TM9SF4: variants seen among roughly 807,000 people sequenced by gnomAD.
TM9SF4 encodes dinucleotide oxidase disulfide thiol exchanger 3 superfamily member 4.
In TM9SF4, 26 loss-of-function variants were observed where a neutral mutation model predicts 90.4. The observed-to-expected ratio is 0.29, with a 90% CI of 0.21 to 0.40. The LOEUF is 0.40. Among genes scored for constraint, TM9SF4 ranks in the 10% least tolerant of loss-of-function variants. The pLI is 1.00. For missense variants in TM9SF4, 549 were observed against 834.8 expected (o/e 0.66, Z 4.22); for synonymous variants, 293 against 315.4 (o/e 0.93, Z 0.75).
intron 1 of TM9SF4, among the ~76,000 whole-genome samples, chr20:32,121,871 G>T (rs1253081470): frequency 1.1e-4 from 15 of 140,674 alleles, no homozygotes; most frequent in East Asian, 7.0e-4. Context: ...GCGGCTGGCC[G>T]GGCGGGGGGC....
At chr20:32,140,355 C>T (rs773198328) in intron 3 of TM9SF4, among the ~76,000 whole-genome samples, 5 of 152,286 alleles carry the variant, frequency 3.3e-5, no homozygotes, top group South Asian at 4.1e-4. Context: ...AGTCAAAAGA[C>T]GTTTTGCCTG....
intron 1 of TM9SF4, among the ~76,000 whole-genome samples, chr20:32,127,706 CAG>C (rs1170614054): frequency 6.6e-6 from 1 of 152,184 alleles, no homozygotes; most frequent in Non-Finnish European, 1.5e-5. Context: ...TGAAGTCTTT[CAG>C]GATTTGCTTT....
rs779963293 is a variant in TM9SF4 at position 32,155,114 on chromosome 20, G to C, written c.1257G>C (p.Leu419=). 15 of 1,613,984 alleles carry C rather than the reference G, an allele frequency of 9.3e-6. No homozygotes were observed. The East Asian group carries it at 3.3e-4, about 36-fold the overall frequency. The part of the protein sequence containing the change: ...WKKGAFCTAT[L]YPGVVFGICF... ...CCCTCTTGCTCCAGACGGCAACTCT[G>C]TACCCTGGTGTGGTTTTTGGCATCT... is the stretch of plus-strand genomic sequence containing the variant. The change falls in exon 13 of 18, where the codon CTG becomes CTC. Residue 419 remains leucine (L), a synonymous_variant. Transcript: ENST00000398022.
At chr20:32,145,544 C>T (rs532171470) in intron 8 of TM9SF4, 121 bp downstream of exon 8, 3 of 779,560 alleles carry the variant, frequency 3.8e-6, no homozygotes, top group African/African-American at 3.4e-5. Context: ...CAAAAACAGA[C>T]ATCAGGGCTC....
In TM9SF4 at chr20:32,109,769, A is replaced by C. The variant is rs755429903; in HGVS notation, c.15+14A>C. ...GCGACGGCGATGGTGAGTGAAGGAGACTCCGGGAGCGGGAGCTGGAGCGGG... is the reference window on the plus strand; with the variant it reads ...GCGACGGCGATGGTGAGTGAAGGAGCCTCCGGGAGCGGGAGCTGGAGCGGG... On this transcript the variant is annotated intron_variant, in intron 1 of 17. Transcript: ENST00000398022. 2.7e-5 allele frequency: 42 copies of C among 1,551,092 alleles called. No individual in the cohort carries two copies. The African/African-American group carries it at 5.6e-4, about 21-fold the overall frequency.
At chr20:32,133,992 TA>T (rs963518558) in intron 2 of TM9SF4, among the ~76,000 whole-genome samples, 6 of 151,194 alleles carry the variant, frequency 4.0e-5, no homozygotes, top group African/African-American at 1.5e-4. Flanking sequence ...TTTTTTTTTT[TA>T]AGTAGAGATG....
At chr20:32,149,577 C>T (rs1003994081) in intron 9 of TM9SF4, 57 bp from the exon 10 acceptor site, 9 of 1,612,992 alleles carry the variant, frequency 5.6e-6, no homozygotes, top group Non-Finnish European at 7.6e-6. Flanking sequence ...GGGGGTGGTC[C>T]CTGCAAGAGC....
At chr20:32,150,916 G>A in intron 12 of TM9SF4, 41 bp downstream of exon 12, 1 of 1,608,274 alleles carries the variant, frequency 6.2e-7, no homozygotes, top group Middle Eastern at 1.7e-4. Context: ...GGGAAGCAGA[G>A]AAGCTTCTTC....
At chr20:32,119,078 G>T (rs1016546554) in intron 1 of TM9SF4, among the ~76,000 whole-genome samples, 4 of 152,136 alleles carry the variant, frequency 2.6e-5, no homozygotes, top group Non-Finnish European at 5.9e-5. Flanking sequence ...TGGATCAGGC[G>T]CAGTGGCTCA....
intron 1 of TM9SF4, among the ~76,000 whole-genome samples, chr20:32,124,674 C>T (rs943688710): frequency 1.3e-5 from 2 of 152,216 alleles, no homozygotes; most frequent in East Asian, 3.9e-4. Context: ...GCAACCTCTG[C>T]CTCCCAGGTT....
chr20:32,159,707 G>A (rs901572633), intron 15 of TM9SF4: 2 of 448,386 alleles, frequency 4.5e-6, no homozygotes, highest in Non-Finnish European at 8.2e-6. Context: ...AAGTGGTGGT[G>A]GCTGCTCTAT....
At chr20:32,134,339 C>G (rs2046564635) in intron 2 of TM9SF4, among the ~76,000 whole-genome samples, 1 of 152,126 alleles carries the variant, frequency 6.6e-6, no homozygotes, top group Non-Finnish European at 1.5e-5. Flanking sequence ...TCTCATTGTC[C>G]TGAGTGAGAA....
intron 1 of TM9SF4, among the ~76,000 whole-genome samples, chr20:32,123,249 T>G (rs1342421640): frequency 1.6e-5 from 2 of 122,476 alleles, no homozygotes; most frequent in African/African-American, 5.9e-5. Flanking sequence ...GGCTTTTTTT[T>G]TTCTACGTAA....
chr20:32,161,231 G>A (rs73906762), intron 16 of TM9SF4, 45 bp from the exon 17 acceptor site: 15 of 1,565,950 alleles, frequency 9.6e-6, no homozygotes, highest in Non-Finnish European at 1.1e-5. Context: ...GTAGGAAGGG[G>A]TTCTGCCCCA....
rs781104678 is a variant in TM9SF4 at position 32,165,384 on chromosome 20, C to T, written c.1869C>T (p.Ile623=). 1.6e-5 allele frequency: 26 copies of T among 1,614,114 alleles called. No individual in the cohort carries two copies. The highest frequency in any genetic ancestry group is 1.2e-4 in the South Asian group (11 of 91,088). ...CCTTCTGGCTGCTAACGGGTACCAT[C>T]GGCTTCTATGCAGCCTACATGTTTG... The part of the protein sequence containing the change: ...VLSFWLLTGT[I]GFYAAYMFVR... The change falls in exon 18 of 18, where the codon ATC becomes ATT. Residue 623 remains isoleucine, a synonymous_variant. Transcript: ENST00000398022.
chr20:32,150,720 G>A lies in TM9SF4; in HGVS notation c.1169+17G>A, dbSNP rs750749840. 9.9e-6 allele frequency: 16 copies of A among 1,614,116 alleles called. No homozygotes were observed. In the South Asian group the frequency reaches 1.3e-4, roughly 13 times the overall value. On this transcript the variant is annotated intron_variant, in intron 11 of 17. Coordinates refer to ENST00000398022, the MANE Select transcript of TM9SF4 (RefSeq NM_014742.4). ...GTTCATGGGGTAGGTGTGTCTGAGTGGGCTCCCGGGGGCGGCACAGGCCTC... is the reference window on the plus strand; with the variant it reads ...GTTCATGGGGTAGGTGTGTCTGAGTAGGCTCCCGGGGGCGGCACAGGCCTC...
chr20:32,125,033 T>A (rs946841197), intron 1 of TM9SF4, among the ~76,000 whole-genome samples: 1 of 151,952 alleles, frequency 6.6e-6, no homozygotes, highest in African/African-American at 2.4e-5. Flanking sequence ...TCAAGGGAGG[T>A]CATGAGACCT....
At chr20:32,117,057 C>G (rs1321743435) in intron 1 of TM9SF4, among the ~76,000 whole-genome samples, 2 of 150,504 alleles carry the variant, frequency 1.3e-5, no homozygotes, top group East Asian at 3.9e-4. Flanking sequence ...AACCCTGTCT[C>G]TACAAAAATA....
intron 1 of TM9SF4, chr20:32,116,749 C>G (rs1290422358): frequency 1.3e-5 from 2 of 150,196 alleles, no homozygotes; most frequent in Admixed American, 6.6e-5. Flanking sequence ...CATTCACATG[C>G]GGCTGGATTC....
Sources: allele counts gnomAD v4.1 joint callset (sites outside exome capture counted in the v4.1 genomes callset), GRCh38; gene constraint gnomAD v4.1.1; transcripts MANE v1.5; gene names NCBI Gene and HGNC (gene_info 2026-07-23, HGNC 2026-07-21).